Variants in RORA observed in about 807,000 individuals in gnomAD.
The protein encoded by RORA is nuclear receptor ROR-alpha.
RORA carries 7 observed loss-of-function variants against 69.5 expected under a neutral mutation model. That is an observed-to-expected ratio of 0.10 (90% CI 0.06 to 0.19). The LOEUF (loss-of-function observed/expected upper bound fraction) is 0.19. RORA is among the 10% of genes least tolerant of loss of function. The pLI, the probability that RORA is intolerant of heterozygous loss-of-function variation, is 1.00. For synonymous variants in RORA, 261 were observed against 240.8 expected (o/e 1.08, Z -0.78); for missense variants, 457 against 663.0 (o/e 0.69, Z 3.41).
chr15:60,630,015 G>A (rs557644980), intron 2 of RORA, among the ~76,000 whole-genome samples: 3 of 152,292 alleles, frequency 2.0e-5, no homozygotes, highest in Non-Finnish European at 4.4e-5. Context: ...GAATGACAAA[G>A]ATAAAATGGA....
intron 1 of RORA, among the ~76,000 whole-genome samples, chr15:60,792,667 T>C (rs1201271663): frequency 1.3e-5 from 2 of 152,160 alleles, no homozygotes; most frequent in Non-Finnish European, 2.9e-5. Context: ...CTGAAAAACA[T>C]TGTCAACCCA....
intron 2 of RORA, among the ~76,000 whole-genome samples, chr15:60,646,950 C>T (rs927854563): frequency 7.9e-5 from 12 of 152,168 alleles, no homozygotes; most frequent in South Asian, 6.2e-4. Flanking sequence ...GCAGCATACA[C>T]GCAAATTTCC....
chr15:61,190,448 G>C (rs548863617), intron 1 of RORA, among the ~76,000 whole-genome samples: 4 of 152,280 alleles, frequency 2.6e-5, no homozygotes, highest in African/African-American at 9.6e-5. Context: ...AAAATCATGA[G>C]ATAGATTACA....
At chr15:61,151,572 T>C (rs986428762) in intron 1 of RORA, among the ~76,000 whole-genome samples, 51 of 152,214 alleles carry the variant, frequency 3.4e-4, no homozygotes, top group African/African-American at 1.1e-3. Flanking sequence ...AATCATCTCA[T>C]GATATCAATC....
In RORA at chr15:60,826,785, CTCTCTTTTTTT is replaced by C. The variant is rs754832998; in HGVS notation, c.167-148110_167-148100del. ...TCTCTCCCTCTCTCTCTCTCTCTCT[CTCTCTTTTTTT>C]TTTAAAGACACACCTGTTCTTTTCC... On this transcript the variant is annotated intron_variant, in intron 1 of 10. Transcript: ENST00000335670. Among the ~76,000 whole-genome samples the C allele has an allele frequency of 4.7e-3, 466 of 98,404 alleles. 5 individuals carry two copies. Among genetic ancestry groups the C allele is most frequent in the Middle Eastern group, 0.015 (3 of 194 alleles). The allele number at this position is 98,404 out of a possible 152,430, so 64.6% of individuals were successfully genotyped here.
intron 1 of RORA, among the ~76,000 whole-genome samples, chr15:60,809,668 T>C (rs544991394): frequency 6.6e-5 from 10 of 152,078 alleles, no homozygotes; most frequent in Admixed American, 5.9e-4. Flanking sequence ...CCAATTGCAA[T>C]TTATCACAGT....
chr15:60,670,593 T>C lies in RORA; in HGVS notation c.196+8064A>G, dbSNP rs144395548. 2.0e-3 allele frequency among the ~76,000 whole-genome samples: 299 copies of C among 152,250 alleles called. 2 individuals are homozygous for C. The highest frequency in any genetic ancestry group is 6.9e-3 in the African/African-American group (286 of 41,532). On this transcript the variant is annotated intron_variant, in intron 2 of 10. Transcript: ENST00000335670. ...AGCTGGAGTTGATGCCTAGGAGACA[T>C]ACAAAATCAAGAAGGGAAAGAGCTA...
chr15:60,623,044 A>G (rs1295840870), intron 2 of RORA, among the ~76,000 whole-genome samples: 1 of 152,232 alleles, frequency 6.6e-6, no homozygotes, highest in Non-Finnish European at 1.5e-5. Context: ...GCAAGGTTGC[A>G]GCTACCCAGT....
intron 1 of RORA, among the ~76,000 whole-genome samples, chr15:61,041,792 T>C (rs1276914273): frequency 6.6e-6 from 1 of 152,222 alleles, no homozygotes; most frequent in Non-Finnish European, 1.5e-5. Flanking sequence ...CAACAGCTAA[T>C]GAACAATAAA....
chr15:60,500,931 CA>C (rs1245593212), intron 9 of RORA, 27 bp downstream of exon 9: 1 of 1,309,310 alleles, frequency 7.6e-7, no homozygotes, highest in Admixed American at 1.9e-5. Context: ...ATTCGAAAAC[CA>C]TTTTTATTTT....
At chr15:60,564,738 T>C (rs2067668085) in intron 2 of RORA, among the ~76,000 whole-genome samples, 1 of 152,164 alleles carries the variant, frequency 6.6e-6, no homozygotes, top group Non-Finnish European at 1.5e-5. Flanking sequence ...ATAGGGAATC[T>C]GAGAAAACCC....
At position 61,066,879 on chromosome 15, in the gene RORA, CAAAAAAAAAAAAAAA is replaced by C. The variant is rs33936803; in HGVS notation, c.166+162159_166+162173del. Among the ~76,000 whole-genome samples the C allele has an allele frequency of 1.3e-4, 9 of 71,294 alleles. 1 individual carries two copies. Among genetic ancestry groups the C allele is most frequent in the Admixed American group, 3.7e-4 (2 of 5,382 alleles). 46.8% of individuals were successfully genotyped at this position (71,294 alleles called of 152,430 possible). On this transcript the variant is annotated intron_variant, in intron 1 of 10. Coordinates refer to ENST00000335670, the MANE Select transcript of RORA (RefSeq NM_134261.3). Reference sequence around the variant, plus strand: ...TATGAAAGGAAAGGGTTCATAAGACCAAAAAAAAAAAAAAAAAAAAAAAAAAACCCAAAAAGGTGG... The same window carrying C: ...TATGAAAGGAAAGGGTTCATAAGACCAAAAAAAAAAAACCCAAAAAGGTGG...
intron 1 of RORA, among the ~76,000 whole-genome samples, chr15:60,687,306 T>G (rs2070764230): frequency 6.6e-6 from 1 of 152,146 alleles, no homozygotes; most frequent in African/African-American, 2.4e-5. Flanking sequence ...CCATAAAGAA[T>G]TTTTTAGAGT....
At chr15:60,605,397 A>G (rs1404852149) in intron 2 of RORA, among the ~76,000 whole-genome samples, 2 of 152,204 alleles carry the variant, frequency 1.3e-5, no homozygotes, top group Non-Finnish European at 2.9e-5. Context: ...AACCTATTGT[A>G]TCCCTTAGGA....
At chr15:61,052,210 C>T (rs2078024441) in intron 1 of RORA, among the ~76,000 whole-genome samples, 1 of 152,230 alleles carries the variant, frequency 6.6e-6, no homozygotes, top group Non-Finnish European at 1.5e-5. Flanking sequence ...CTCTCCTCCA[C>T]TCCCAAACAC....
At chr15:61,059,657 G>T (rs1391895206) in intron 1 of RORA, among the ~76,000 whole-genome samples, 1 of 151,968 alleles carries the variant, frequency 6.6e-6, no homozygotes, top group Non-Finnish European at 1.5e-5. Flanking sequence ...TGCTATTTAT[G>T]AGTTATAATA....
chr15:60,712,606 A>C (rs1485315768), intron 1 of RORA, among the ~76,000 whole-genome samples: 3 of 152,192 alleles, frequency 2.0e-5, no homozygotes, highest in Non-Finnish European at 4.4e-5. Context: ...AGTGTATTGC[A>C]AGGCATTACA....
chr15:61,130,575 G>A (rs2079181701), intron 1 of RORA, among the ~76,000 whole-genome samples: 1 of 152,176 alleles, frequency 6.6e-6, no homozygotes, highest in African/African-American at 2.4e-5. Flanking sequence ...GATAGCTAAA[G>A]TATTGAGTAA....
chr15:60,835,048 G>A (rs1440973723), intron 1 of RORA, among the ~76,000 whole-genome samples: 1 of 152,184 alleles, frequency 6.6e-6, no homozygotes, highest in African/African-American at 2.4e-5. Flanking sequence ...AACACAGAAC[G>A]TGGACTTGTA....
Sources: allele counts gnomAD v4.1 joint callset (sites outside exome capture counted in the v4.1 genomes callset), GRCh38; gene constraint gnomAD v4.1.1; transcripts MANE v1.5; gene names NCBI Gene and HGNC (gene_info 2026-07-23, HGNC 2026-07-21).